Variants in DAB1 observed in about 807,000 individuals in gnomAD.
DAB1 encodes the protein DAB adaptor protein 1.
In DAB1, 15 loss-of-function variants were observed where a neutral mutation model predicts 64.6. That is an observed-to-expected ratio of 0.23 (90% CI 0.16 to 0.36). DAB1 has a LOEUF of 0.36. Ranked by LOEUF, DAB1 falls within the 10% of genes least tolerant of loss-of-function variation. DAB1 has a pLI of 1.00. For synonymous variants in DAB1, 235 were observed against 251.9 expected (o/e 0.93, Z 0.64); for missense variants, 596 against 706.7 (o/e 0.84, Z 1.78).
At chr1:57,402,327 G>A (rs1200628740) in intron 1 of DAB1, among the ~76,000 whole-genome samples, 1 of 152,168 alleles carries the variant, frequency 6.6e-6, no homozygotes, top group Non-Finnish European at 1.5e-5. Flanking sequence ...TACACAAAGG[G>A]TTGAATCAGA....
intron 7 of DAB1, among the ~76,000 whole-genome samples, chr1:57,620,090 C>T (rs1645837664): frequency 6.6e-6 from 1 of 152,158 alleles, no homozygotes; most frequent in Admixed American, 6.5e-5. Context: ...ATGGTCATTC[C>T]CTCCAGAGCA....
At chr1:57,552,954 C>T (rs532362923) in intron 7 of DAB1, among the ~76,000 whole-genome samples, 3 of 152,026 alleles carry the variant, frequency 2.0e-5, no homozygotes, top group South Asian at 2.1e-4. Context: ...ATTAAGGGGC[C>T]GATTGTATGA....
intron 5 of DAB1, among the ~76,000 whole-genome samples, chr1:58,006,751 T>G (rs1262064082): frequency 6.6e-6 from 1 of 152,152 alleles, no homozygotes; most frequent in Non-Finnish European, 1.5e-5. Context: ...CACTGAATGA[T>G]TCCCTCTCTC....
chr1:58,369,279 A>G (rs184021925), intron 3 of DAB1, among the ~76,000 whole-genome samples: 2 of 152,240 alleles, frequency 1.3e-5, no homozygotes, highest in Admixed American at 1.3e-4. Context: ...TTAGCTTCTG[A>G]ATATTTGTCT....
intron 2 of DAB1, among the ~76,000 whole-genome samples, chr1:57,194,639 C>A (rs534567466): frequency 4.6e-5 from 7 of 152,292 alleles, no homozygotes; most frequent in Non-Finnish European, 2.9e-5. Flanking sequence ...TTTCACTCAG[C>A]TAGCCGCCTT....
chr1:57,758,721 T>C (rs760770943), intron 6 of DAB1, among the ~76,000 whole-genome samples: 7 of 152,292 alleles, frequency 4.6e-5, no homozygotes, highest in African/African-American at 7.2e-5. Context: ...AAGCTAAAAA[T>C]ACAGCCATGC....
chr1:58,530,651 G>A (rs1391405729), intron 1 of DAB1: 10 of 872,620 alleles, frequency 1.1e-5, no homozygotes, highest in East Asian at 2.4e-5. Flanking sequence ...AAGCTATCTC[G>A]AGGACAAATG....
At chr1:57,633,405 G>A (rs1646014907) in intron 7 of DAB1, among the ~76,000 whole-genome samples, 1 of 152,204 alleles carries the variant, frequency 6.6e-6, no homozygotes, top group Admixed American at 6.5e-5. Context: ...TGATGCTGAT[G>A]CTGCTGAACC....
intron 1 of DAB1, among the ~76,000 whole-genome samples, chr1:57,315,999 G>T (rs535991002): frequency 3.6e-4 from 55 of 152,120 alleles, no homozygotes; most frequent in Non-Finnish European, 6.8e-4. Context: ...AACGAGTTTA[G>T]GATAGGTGTA....
At chr1:57,238,852 C>CACATACAT (rs1553159607) in intron 2 of DAB1, among the ~76,000 whole-genome samples, 2 of 141,672 alleles carry the variant, frequency 1.4e-5, no homozygotes, top group Non-Finnish European at 3.1e-5. Flanking sequence ...CACACACACA[C>CACATACAT]ACACACATAC....
chr1:57,510,679 T>C (rs1053977330), intron 7 of DAB1, among the ~76,000 whole-genome samples: 1 of 152,204 alleles, frequency 6.6e-6, no homozygotes, highest in Non-Finnish European at 1.5e-5. Flanking sequence ...GAAAACCACC[T>C]TGGGGTCATC....
intron 4 of DAB1, among the ~76,000 whole-genome samples, chr1:57,120,884 T>C (rs145493724): frequency 1.2e-3 from 183 of 152,228 alleles, no homozygotes; most frequent in African/African-American, 4.3e-3. Context: ...TTCCACCTTG[T>C]ACAGCACATT....
intron 6 of DAB1, among the ~76,000 whole-genome samples, chr1:57,726,543 C>T (rs1647213106): frequency 6.6e-6 from 1 of 152,024 alleles, no homozygotes; most frequent in Admixed American, 6.6e-5. Context: ...GGATCTTGGG[C>T]TTTATTTTGA....
chr1:57,041,083 C>T (rs1647723297), intron 9 of DAB1, among the ~76,000 whole-genome samples: 2 of 152,182 alleles, frequency 1.3e-5, no homozygotes, highest in South Asian at 4.1e-4. Context: ...CAGAGGAAAT[C>T]ACAAATGGAG....
chr1:57,267,573 G>A (rs1438116711), intron 2 of DAB1, among the ~76,000 whole-genome samples: 1 of 152,170 alleles, frequency 6.6e-6, no homozygotes, highest in East Asian at 1.9e-4. Flanking sequence ...GATGCCTCCA[G>A]CACTTCGCAG....
intron 6 of DAB1, among the ~76,000 whole-genome samples, chr1:57,739,921 G>A (rs746123030): frequency 7.2e-5 from 11 of 151,930 alleles, no homozygotes; most frequent in East Asian, 5.8e-4. Context: ...TCAGCCAGGC[G>A]TGGTCGCTCA....
At chr1:58,050,032 A>G (rs1051732878) in intron 5 of DAB1, among the ~76,000 whole-genome samples, 2 of 152,222 alleles carry the variant, frequency 1.3e-5, no homozygotes, top group African/African-American at 4.8e-5. Context: ...AGACCATAAC[A>G]ATGAGTAGAG....
Position 58,132,279 on chromosome 1 carries a change from C to T in DAB1, n.387+18232G>A, listed in dbSNP as rs191425864. Among the ~76,000 whole-genome samples, 1,021 of 152,272 alleles carry T rather than the reference C, an allele frequency of 6.7e-3. 12 individuals are homozygous for T. Among genetic ancestry groups the T allele is most frequent in the African/African-American group, 0.024 (990 of 41,570 alleles). ...AGAAAGGGAACTCCCTGACCCCTTGCGCTTCCCAAGTGAGGCAATGCCTCA... is the reference window on the plus strand; with the variant it reads ...AGAAAGGGAACTCCCTGACCCCTTGTGCTTCCCAAGTGAGGCAATGCCTCA... On this transcript the variant is annotated intron_variant and non_coding_transcript_variant, in intron 5 of 20. Coordinates refer to the DAB1 transcript ENST00000485760.
chr1:58,037,909 C>T (rs948301011), intron 5 of DAB1, among the ~76,000 whole-genome samples: 2 of 152,100 alleles, frequency 1.3e-5, no homozygotes, highest in African/African-American at 4.8e-5. Flanking sequence ...GGTTTTTAAG[C>T]TAGGTGTTAA....
Sources: gnomAD v4.1 joint callset for allele counts (sites outside exome capture counted in the v4.1 genomes callset) on GRCh38, gnomAD v4.1.1 for gene constraint, MANE v1.5 for transcripts, NCBI Gene and HGNC (gene_info 2026-07-23, HGNC 2026-07-21) for gene names.